CFHR3: variants seen among roughly 807,000 people sequenced by gnomAD.
CFHR3 encodes the protein complement factor H-related protein 3.
Under a neutral mutation model 36.0 loss-of-function variants are expected in CFHR3, and 22 were observed. That is an observed-to-expected ratio of 0.61 (90% CI 0.44 to 0.87). The LOEUF is 0.87. Ranked by LOEUF, CFHR3 falls within the 40% of genes least tolerant of loss-of-function variation. CFHR3 has a pLI of 0.00. For synonymous variants in CFHR3, 97 were observed against 137.4 expected (o/e 0.71, Z 2.06); for missense variants, 276 against 401.3 (o/e 0.69, Z 2.67).
At chr1:196,791,310 C>T (rs366976) in intron 5 of CFHR3, among the ~76,000 whole-genome samples, 40,788 of 135,098 alleles carry the variant, frequency 0.3, 12,124 homozygotes, top group East Asian at 0.53. Flanking sequence ...AGCAACACAA[C>T]TCAAAAAATA....
Sources: allele counts gnomAD v4.1 joint callset (sites outside exome capture counted in the v4.1 genomes callset), GRCh38; gene constraint gnomAD v4.1.1; transcripts MANE v1.5; gene names NCBI Gene and HGNC (gene_info 2026-07-23, HGNC 2026-07-21).